LRFN2: variants seen among roughly 807,000 people sequenced by gnomAD.
The protein encoded by LRFN2 is leucine rich repeat and fibronectin type III domain containing 2.
LRFN2 carries 18 observed loss-of-function variants against 37.3 expected under a neutral mutation model. The ratio of observed to expected loss-of-function variants is 0.48; its 90% CI spans 0.33 to 0.72. The LOEUF (loss-of-function observed/expected upper bound fraction) is 0.72. Among genes scored for constraint, LRFN2 ranks in the 30% least tolerant of loss-of-function variants. The probability of loss-of-function intolerance (pLI) is 0.02; values close to 1 mark genes in which losing one functional copy is unlikely to be tolerated. For missense variants in LRFN2, 1,006 were observed against 1,060.7 expected, an observed-to-expected ratio of 0.95 and a Z score of 0.72; for synonymous variants, 556 against 466.6, an observed-to-expected ratio of 1.19 and a Z score of -2.47.
intron 1 of LRFN2, among the ~76,000 whole-genome samples, chr6:40,507,957 G>T (rs935644492): frequency 6.6e-6 from 1 of 152,298 alleles, no homozygotes; most frequent in Non-Finnish European, 1.5e-5. Context: ...CTGTCCTCAA[G>T]GTGGGAGCCT....
intron 2 of LRFN2, among the ~76,000 whole-genome samples, chr6:40,414,501 T>A (rs1229295572): frequency 2.6e-5 from 4 of 152,204 alleles, no homozygotes; most frequent in Non-Finnish European, 4.4e-5. Context: ...ATGGAATAAT[T>A]TCTCAGAAAG....
In LRFN2 at chr6:40,578,941, C is replaced by T. The variant is rs966848165; in HGVS notation, c.-19+8000G>A. ...CCCTGTGAGAAAGATGCTCCATCCACGAATTTTGGTGCCTAAATGTTCCCT... is the reference window on the plus strand; with the variant it reads ...CCCTGTGAGAAAGATGCTCCATCCATGAATTTTGGTGCCTAAATGTTCCCT... On this transcript the variant is annotated intron_variant, in intron 1 of 2. Transcript: ENST00000338305. Among the ~76,000 whole-genome samples, 5 of 152,206 alleles carry T rather than the reference C, an allele frequency of 3.3e-5. No individual in the cohort carries two copies. The South Asian group carries it at 6.2e-4, about 19-fold the overall frequency.
chr6:40,465,009 G>A (rs1421735475), intron 1 of LRFN2, among the ~76,000 whole-genome samples: 1 of 152,182 alleles, frequency 6.6e-6, no homozygotes, highest in Non-Finnish European at 1.5e-5. Context: ...TCAGCAGACT[G>A]TAAAGTAAAT....
intron 1 of LRFN2, among the ~76,000 whole-genome samples, chr6:40,548,806 T>G (rs1293156210): frequency 6.6e-6 from 1 of 152,212 alleles, no homozygotes; most frequent in East Asian, 1.9e-4. Flanking sequence ...CTGCTAGAGC[T>G]GCTATAGCCA....
In LRFN2 at chr6:40,538,729, G is replaced by A. The variant is rs1218742840; in HGVS notation, c.-19+48212C>T. Reference sequence around the variant, plus strand: ...TGACGCAGGGCGTCCTCTCAGCGCAGCCCCTCTCCACCTGCCCCCGGTCTC... The same window carrying A: ...TGACGCAGGGCGTCCTCTCAGCGCAACCCCTCTCCACCTGCCCCCGGTCTC... On this transcript the variant is annotated intron_variant, in intron 1 of 2. Transcript: ENST00000338305. Among the ~76,000 whole-genome samples, 3 of 152,226 alleles carry A rather than the reference G, an allele frequency of 2.0e-5. No homozygotes were observed. In the East Asian group the frequency reaches 5.8e-4, roughly 29 times the overall value.
At chr6:40,567,909 A>G (rs948452111) in intron 1 of LRFN2, among the ~76,000 whole-genome samples, 9 of 152,126 alleles carry the variant, frequency 5.9e-5, no homozygotes, top group African/African-American at 2.2e-4. Context: ...TGGAAAACCC[A>G]CAACTGCCAT....
At chr6:40,543,448 T>A (rs534590601) in intron 1 of LRFN2, among the ~76,000 whole-genome samples, 41 of 152,316 alleles carry the variant, frequency 2.7e-4, no homozygotes, top group African/African-American at 8.9e-4. Context: ...AACATCTGTA[T>A]CTTCCCCACT....
intron 1 of LRFN2, among the ~76,000 whole-genome samples, chr6:40,453,510 C>T: frequency 8.5e-6 from 1 of 117,374 alleles, no homozygotes; most frequent in South Asian, 2.9e-4. Flanking sequence ...CTCCCCCAAG[C>T]CAAACACACA....
intron 1 of LRFN2, among the ~76,000 whole-genome samples, chr6:40,460,946 G>A (rs1375196208): frequency 6.6e-6 from 1 of 152,218 alleles, no homozygotes; most frequent in Non-Finnish European, 1.5e-5. Context: ...GGAACAACTA[G>A]GGGAGAGGGT....
Position 40,392,111 on chromosome 6 carries a change from C to T in LRFN2, c.2202G>A (p.Ala734=), listed in dbSNP as rs201948377. The change falls in exon 3 of 3, where the codon GCG becomes GCA. Residue 734 remains alanine (A), a synonymous_variant. Transcript: ENST00000338305. The surrounding 1 kb of genome is among the most constrained non-coding windows in gnomAD (Gnocchi z 4.7). ...TGTAGCCGCCCGGCACGACCCCTCCCGCCGCCGCAGCAGCAAAGTCCCCCA... is the reference window on the plus strand; with the variant it reads ...TGTAGCCGCCCGGCACGACCCCTCCTGCCGCCGCAGCAGCAAAGTCCCCCA... ...FDMGDFAAAA[A]GGVVPGGYSP... The T allele has an allele frequency of 4.3e-6, 7 of 1,613,126 alleles. No individual in the cohort carries two copies. Among genetic ancestry groups the T allele is most frequent in the South Asian group, 1.1e-5 (1 of 90,920 alleles).
intron 1 of LRFN2, among the ~76,000 whole-genome samples, chr6:40,554,282 G>A (rs1286139953): frequency 1.3e-5 from 2 of 152,156 alleles, no homozygotes; most frequent in Non-Finnish European, 2.9e-5. Flanking sequence ...CAGTTTTGGA[G>A]GCCTTTATAT....
chr6:40,443,878 G>A (rs1335127112), intron 1 of LRFN2, among the ~76,000 whole-genome samples: 1 of 152,192 alleles, frequency 6.6e-6, no homozygotes, highest in Non-Finnish European at 1.5e-5. Context: ...GCAGTTTCTA[G>A]AACCCAGTCA....
intron 1 of LRFN2, among the ~76,000 whole-genome samples, chr6:40,457,636 T>TAA (rs1268759929): frequency 0.011 from 862 of 75,780 alleles, 9 homozygotes; most frequent in African/African-American, 0.029. Flanking sequence ...AAGACCCTGT[T>TAA]TAAAAAAAAA....
intron 1 of LRFN2, among the ~76,000 whole-genome samples, chr6:40,584,081 G>C (rs149554339): frequency 1.1e-3 from 166 of 152,274 alleles, no homozygotes; most frequent in Non-Finnish European, 2.0e-3. Flanking sequence ...AAAGTTTTCT[G>C]GAGGGCTTTC....
intron 1 of LRFN2, among the ~76,000 whole-genome samples, chr6:40,553,655 A>G (rs1355466125): frequency 6.6e-6 from 1 of 152,256 alleles, no homozygotes; most frequent in East Asian, 1.9e-4. Flanking sequence ...TAAATAAGTA[A>G]CAAATGAAAT....
intron 1 of LRFN2, among the ~76,000 whole-genome samples, chr6:40,500,526 G>C (rs560931726): frequency 6.6e-6 from 1 of 152,346 alleles, no homozygotes; most frequent in Admixed American, 6.5e-5. Flanking sequence ...AGATTCTGGA[G>C]AGGAGTGAAA....
chr6:40,469,552 C>G (rs1363232112), intron 1 of LRFN2, among the ~76,000 whole-genome samples: 1 of 152,110 alleles, frequency 6.6e-6, no homozygotes, highest in African/African-American at 2.4e-5. Context: ...CCATAATGAG[C>G]TTAGTATATC....
chr6:40,579,172 C>A (rs1464770507), intron 1 of LRFN2, among the ~76,000 whole-genome samples: 1 of 152,200 alleles, frequency 6.6e-6, no homozygotes, highest in Non-Finnish European at 1.5e-5. Flanking sequence ...TGGGGAACCA[C>A]CCTCTCCTCC....
At chr6:40,427,254 A>G (rs1286569618) in intron 2 of LRFN2, among the ~76,000 whole-genome samples, 2 of 152,274 alleles carry the variant, frequency 1.3e-5, no homozygotes, top group Admixed American at 6.5e-5. Context: ...GCTTTCTGGC[A>G]TATTTACATC....
Sources: gnomAD v4.1 joint callset for allele counts (sites outside exome capture counted in the v4.1 genomes callset) on GRCh38, gnomAD v4.1.1 for gene constraint, Gnocchi (gnomAD v3.1) non-coding constraint, MANE v1.5 for transcripts, NCBI Gene and HGNC (gene_info 2026-07-23, HGNC 2026-07-21) for gene names.